APOB: variants seen among roughly 807,000 people sequenced by gnomAD.
The protein encoded by APOB is apolipoprotein B.
A neutral mutation model predicts 314.1 loss-of-function variants in APOB; 153 were observed. That is an observed-to-expected ratio of 0.49 (90% CI 0.43 to 0.56). The LOEUF (loss-of-function observed/expected upper bound fraction) is 0.56. Ranked by LOEUF, APOB falls within the 20% of genes least tolerant of loss-of-function variation. The pLI is 0.00. For synonymous variants in APOB, 2,087 were observed against 2,036.4 expected (o/e 1.02, Z -0.67); for missense variants, 5,430 against 5,350.7 (o/e 1.01, Z -0.46).
Position 21,008,502 on chromosome 2 carries a change from A to T in APOB, c.8366T>A (p.Ile2789Asn), listed in dbSNP as rs941835419. The change falls in exon 26 of 29, where the codon ATC becomes AAC. Residue 2789 changes from isoleucine (I) to asparagine (N), a missense_variant. Around this residue, in one of 3 missense-constraint regions of APOB, gnomAD observed 3,281 missense variants for 3,171.0 expected, o/e 1.03. Coordinates refer to ENST00000233242, the MANE Select transcript of APOB (RefSeq NM_000384.3). ...TCCTTTGGCAGTGATGGAAGCTGCG[A>T]TACCTGCTTCGTTTGCTGAGGTGGT... is the stretch of plus-strand genomic sequence containing the variant. ...NGTTSANEAG[I>N]AASITAKGES... 5 of 1,613,976 alleles carry T rather than the reference A, an allele frequency of 3.1e-6. No homozygotes were observed. In the African/African-American group the frequency reaches 6.7e-5, roughly 22 times the overall value.
In APOB at chr2:21,024,945, C is replaced by T; in HGVS notation, c.2424G>A (p.Gly808=). The T allele has an allele frequency of 6.2e-7, 1 of 1,614,012 alleles. No individual in the cohort carries two copies. The highest frequency in any genetic ancestry group is 8.5e-7 in the Non-Finnish European group (1 of 1,180,002). The part of the protein sequence containing the change: ...LLLMGARTLQ[G]IPQMIGEVIR... Reference sequence around the variant, plus strand: ...CCTGCTGACTTACCATCTGGGGGATCCCCTGCAGAGTGCGGGCACCCATCA... The same window carrying T: ...CCTGCTGACTTACCATCTGGGGGATTCCCTGCAGAGTGCGGGCACCCATCA... The change falls in exon 16 of 29, where the codon GGG becomes GGA. Residue 808 remains glycine (G), a synonymous_variant. Coordinates refer to ENST00000233242, the MANE Select transcript of APOB (RefSeq NM_000384.3).
At chr2:21,028,215 G>T in intron 13 of APOB, 112 bp downstream of exon 13, 1 of 1,165,626 alleles carries the variant, frequency 8.6e-7, no homozygotes, top group Non-Finnish European at 1.3e-6. Context: ...CTACACATTT[G>T]CACAAGTGTT....
At chr2:21,023,077 A>G (rs1257821082) in intron 17 of APOB, 35 bp from the exon 18 acceptor site, 1 of 1,581,082 alleles carries the variant, frequency 6.3e-7, no homozygotes, top group Non-Finnish European at 8.7e-7. Flanking sequence ...CAGATTCATT[A>G]AATACTTCAG....
rs377641527 is a variant in APOB at position 21,001,814 on chromosome 2, C to A, written c.13608G>T (p.Thr4536=). The stretch of plus-strand genomic sequence containing the variant: ...TTGATTGCAGCTTTTTCAGTAACTC[C>A]GTGATGTATATCAGAAATGTGTGGT... ...QNYHTFLIYI[T]ELLKKLQSTT... is the part of the protein sequence containing the mutation. The change falls in exon 29 of 29, where the codon ACG becomes ACT. Residue 4536 remains threonine (T), a synonymous_variant. Coordinates refer to ENST00000233242, the MANE Select transcript of APOB (RefSeq NM_000384.3). The A allele has an allele frequency of 6.2e-7, 1 of 1,613,930 alleles. No homozygotes were observed. The highest frequency in any genetic ancestry group is 8.5e-7 in the Non-Finnish European group (1 of 1,179,928).
rs759415304 is a variant in APOB at position 21,011,305 on chromosome 2, T to C, written c.5563A>G (p.Thr1855Ala). Residue 1855 changes from threonine to alanine, a missense_variant, in exon 26 of 29, where the codon ACT becomes GCT. Thr to Ala is a moderately conservative substitution (Grantham distance 58). Around this residue, in one of 3 missense-constraint regions of APOB, gnomAD observed 3,281 missense variants for 3,171.0 expected, o/e 1.03. Transcript: ENST00000233242. ...TCCACACCCTGAACCTTAGCAACAG[T>C]GTCTGCTTTATAGCTTGCTGATAAG... is the stretch of plus-strand genomic sequence containing the variant. Reference protein sequence around the residue: ...AALSASYKADTVAKVQGVEFS... With the variant: ...AALSASYKADAVAKVQGVEFS... 3.7e-6 allele frequency: 6 copies of C among 1,614,236 alleles called. No individual in the cohort carries two copies. The South Asian group carries it at 5.5e-5, about 15-fold the overall frequency.
rs765290152 is a variant in APOB, at chr2:21,008,610, G to C, written c.8258C>G (p.Pro2753Arg). Reference sequence around the variant, plus strand: ...AATACTGTATAGCTTGCCAAAAGTAGGTACTTCAATTGTGTGTGAGATGTG... The same window carrying C: ...AATACTGTATAGCTTGCCAAAAGTACGTACTTCAATTGTGTGTGAGATGTG... ...LPHISHTIEV[P>R]TFGKLYSILK... The change falls in exon 26 of 29, where the codon CCT becomes CGT. Residue 2753 changes from proline (P) to arginine (R), a missense_variant. This residue lies in a region of APOB where 3,281 missense variants were observed against 3,171.0 expected (regional missense o/e 1.03). Transcript: ENST00000233242. The C allele has an allele frequency of 1.2e-5, 19 of 1,613,950 alleles. No individual in the cohort carries two copies. Among genetic ancestry groups the C allele is most frequent in the Middle Eastern group, 1.6e-4 (1 of 6,084 alleles).
At chr2:21,034,505 C>T (rs12720793) in intron 8 of APOB, among the ~76,000 whole-genome samples, 1,569 of 152,332 alleles carry the variant, frequency 0.01, 9 homozygotes, top group Non-Finnish European at 0.019. Context: ...CTTGGTCCAC[C>T]TCGTCTGGGA....
At position 21,010,797 on chromosome 2, in the gene APOB, A is replaced by G; in HGVS notation, c.6071T>C (p.Ile2024Thr). The change falls in exon 26 of 29, where the codon ATT (isoleucine) becomes ACT (threonine). Residue 2024 changes from isoleucine (I) to threonine (T), a missense_variant. Around this residue, in one of 3 missense-constraint regions of APOB, gnomAD observed 3,281 missense variants for 3,171.0 expected, o/e 1.03. Coordinates refer to ENST00000233242, the MANE Select transcript of APOB (RefSeq NM_000384.3). ...LADLTLLDSP[I>T]KVPLLLSEPI... The stretch of plus-strand genomic sequence containing the variant: ...CTCACTGAGTAAAAGTGGCACTTTA[A>G]TTGGGGAGTCTAGTAGAGTTAGGTC... The G allele has an allele frequency of 6.2e-7, 1 of 1,614,144 alleles. No homozygotes were observed. The highest frequency in any genetic ancestry group is 1.1e-5 in the South Asian group (1 of 91,076).
rs751177133 is a variant in APOB, at chr2:21,013,230, A to T, written c.4146T>A (p.His1382Gln). The part of the protein sequence containing the change: ...SYSGGNTSTD[H>Q]FSLRARYHMK... ...TGTGGTAACGAGCCCGAAGGCTGAA[A>T]TGGTCTGTGCTGGTGTTGCCACCAC... The change falls in exon 25 of 29, where the codon CAT (histidine) becomes CAA (glutamine). Residue 1382 changes from histidine to glutamine, a missense_variant. Around this residue, in one of 3 missense-constraint regions of APOB, gnomAD observed 2,085 missense variants for 2,079.7 expected, o/e 1.00. Coordinates refer to ENST00000233242, the MANE Select transcript of APOB (RefSeq NM_000384.3). 1.2e-6 allele frequency: 2 copies of T among 1,614,162 alleles called. No homozygotes were observed. The highest frequency in any genetic ancestry group is 2.2e-5 in the South Asian group (2 of 91,078).
rs763860765 is a variant in APOB at position 21,006,680 on chromosome 2, G to A, written c.10188C>T (p.Ala3396=). 3.1e-6 allele frequency: 5 copies of A among 1,614,086 alleles called. No homozygotes were observed. Among genetic ancestry groups the A allele is most frequent in the Non-Finnish European group, 4.2e-6 (5 of 1,179,996 alleles). The part of the protein sequence containing the change: ...RLTRKRGLKL[A]TALSLSNKFV... ...ATTTGTTGCTCAGAGACAGAGCTGTGGCTAACTTCAATCCCCTTTTTCTTG... is the reference window on the plus strand; with the variant it reads ...ATTTGTTGCTCAGAGACAGAGCTGTAGCTAACTTCAATCCCCTTTTTCTTG... The change falls in exon 26 of 29, where the codon GCC becomes GCT. Residue 3396 remains alanine, a synonymous_variant. Transcript: ENST00000233242.
chr2:21,030,749 CA>C (rs12720808), intron 10 of APOB, among the ~76,000 whole-genome samples: 11,154 of 151,938 alleles, frequency 0.073, 541 homozygotes, highest in Non-Finnish European at 0.12. Context: ...AACAACTCAA[CA>C]AAAAAATCCC....
Position 21,009,014 on chromosome 2 carries a change from TA to T in APOB, c.7853del (p.Ile2618LysfsTer4). On this transcript the variant is annotated frameshift_variant, in exon 26 of 29. Transcript: ENST00000233242. LOFTEE classifies it high-confidence loss of function. ...QKATFQTPDF[I>X]VPLTDLRIPS... is the part of the protein sequence containing the mutation. ...GAATCCTCAAATCTGTTAGGGGGAC[TA>T]TAAAATCAGGTGTCTGGAAGGTAGC... 1 of 1,614,084 alleles carries T rather than the reference TA, an allele frequency of 6.2e-7. No homozygotes were observed. The highest frequency in any genetic ancestry group is 1.1e-5 in the South Asian group (1 of 91,078).
chr2:21,029,106 C>T (rs2103376169), intron 12 of APOB, among the ~76,000 whole-genome samples: 1 of 152,322 alleles, frequency 6.6e-6, no homozygotes, highest in South Asian at 2.1e-4. Flanking sequence ...TCTCTCACGT[C>T]ACATACTGCT....
At position 21,017,581 on chromosome 2, in the gene APOB, C is replaced by T. The variant is rs1446870974; in HGVS notation, c.3122-932G>A. Among the ~76,000 whole-genome samples the T allele has an allele frequency of 3.9e-5, 6 of 152,124 alleles. No individual in the cohort carries two copies. The South Asian group carries it at 1.0e-3, about 26-fold the overall frequency. On this transcript the variant is annotated intron_variant, in intron 20 of 28. Coordinates refer to ENST00000233242, the MANE Select transcript of APOB (RefSeq NM_000384.3). ...AGGCCCTGAAATGGGGAGCACTTAGCTTGTTTGTGGAACAGCAAAGGCTCG... is the reference window on the plus strand; with the variant it reads ...AGGCCCTGAAATGGGGAGCACTTAGTTTGTTTGTGGAACAGCAAAGGCTCG...
At chr2:21,040,911 C>A in intron 4 of APOB, 27 bp downstream of exon 4, 1 of 1,612,284 alleles carries the variant, frequency 6.2e-7, no homozygotes, top group Non-Finnish European at 8.5e-7. Flanking sequence ...CACACACATG[C>A]GTGTGCTCAT....
Position 21,043,968 on chromosome 2 carries a change from C to T in APOB, c.-23G>A, listed in dbSNP as rs1664205404. 4 of 1,220,292 alleles carry T rather than the reference C, an allele frequency of 3.3e-6. No homozygotes were observed. The highest frequency in any genetic ancestry group is 2.8e-5 in the South Asian group (1 of 36,190). The allele number at this position is 1,220,292 out of a possible 1,614,324, so 75.6% of individuals were successfully genotyped here. ...CATCGCCAGCTGCGGTGGGGCGGCT[C>T]CTGGGCTGCGGCCTGGCCTCGGCCT... On this transcript the variant is annotated 5_prime_UTR_variant, in exon 1 of 29. Transcript: ENST00000233242.
chr2:21,012,298 A>G lies in APOB; in HGVS notation c.4570T>C (p.Ser1524Pro). 3.7e-6 allele frequency: 6 copies of G among 1,614,076 alleles called. No individual in the cohort carries two copies. The highest frequency in any genetic ancestry group is 5.1e-6 in the Non-Finnish European group (6 of 1,180,014). Residue 1524 changes from serine (S) to proline (P), a missense_variant, in exon 26 of 29, where the codon TCC becomes CCC. Physicochemically the swap from Ser to Pro is moderately conservative, Grantham distance 74. This residue lies in a region of APOB where 2,085 missense variants were observed against 2,079.7 expected (regional missense o/e 1.00). Coordinates refer to ENST00000233242, the MANE Select transcript of APOB (RefSeq NM_000384.3). ...TGGTTGGTGCCTTGGAGGTAGGAGG[A>G]GTTAAACCTCAGGTTGGACTCTCCA... is the stretch of plus-strand genomic sequence containing the variant. ...LNGESNLRFN[S>P]SYLQGTNQIT...
chr2:21,006,905 C>T lies in APOB; in HGVS notation c.9963G>A (p.Lys3321=). 2 of 1,614,052 alleles carry T rather than the reference C, an allele frequency of 1.2e-6. No homozygotes were observed. Among genetic ancestry groups the T allele is most frequent in the Non-Finnish European group, 1.7e-6 (2 of 1,179,980 alleles). The change falls in exon 26 of 29, where the codon AAG becomes AAA. Residue 3321 remains lysine, a synonymous_variant. Coordinates refer to ENST00000233242, the MANE Select transcript of APOB (RefSeq NM_000384.3). ...AAATATGGCTTATGGTACACAATTC[C>T]TTGAAATCTGGAAGAGAAAGCTTGA... ...RNLKLSLPDF[K]ELCTISHIFI... is the part of the protein sequence containing the mutation.
intron 20 of APOB, among the ~76,000 whole-genome samples, chr2:21,016,866 C>T (rs1488293161): frequency 3.3e-5 from 5 of 151,874 alleles, no homozygotes. Flanking sequence ...TGCCTGTAGT[C>T]CCAGCTACTC....
Sources: gnomAD v4.1 joint callset for allele counts (sites outside exome capture counted in the v4.1 genomes callset) on GRCh38, gnomAD v4.1.1 for gene constraint, gnomAD v4.1.1 regional missense constraint, MANE v1.5 for transcripts, NCBI Gene and HGNC (gene_info 2026-07-23, HGNC 2026-07-21) for gene names.